Variants in AK7 observed in about 807,000 individuals in gnomAD.
AK7 encodes the protein ATP-AMP transphosphorylase 7.
A neutral mutation model predicts 96.6 loss-of-function variants in AK7; 78 were observed. The ratio of observed to expected loss-of-function variants is 0.81; its 90% CI spans 0.67 to 0.97. The LOEUF (loss-of-function observed/expected upper bound fraction) is 0.97, where lower values mean the gene tolerates loss of function less well. Ranked by LOEUF, AK7 falls within the 50% of genes least tolerant of loss-of-function variation. The pLI is 0.00. For missense variants in AK7, 855 were observed against 887.9 expected (o/e 0.96, Z 0.47); for synonymous variants, 302 against 317.2 (o/e 0.95, Z 0.51).
chr14:96,474,864 C>A lies in AK7; in HGVS notation c.1555+2109C>A, dbSNP rs565831966. On this transcript the variant is annotated intron_variant, in intron 14 of 17. Transcript: ENST00000267584. ...TGTCATGTGCCAGGCACTCATTGAA[C>A]CTTTCCACAATCCTGCAAGGCAGGA... Among the ~76,000 whole-genome samples the A allele has an allele frequency of 6.6e-5, 10 of 152,318 alleles. No homozygotes were observed. In the South Asian group the frequency reaches 1.9e-3, roughly 28 times the overall value.
At chr14:96,438,042 A>G in intron 6 of AK7, 127 bp downstream of exon 6, 2 of 666,648 alleles carry the variant, frequency 3.0e-6, no homozygotes, top group Non-Finnish European at 5.0e-6. Context: ...GAAGGCAAGT[A>G]TGGATGTCAC....
At chr14:96,396,637 C>T (rs972307393) in intron 1 of AK7, among the ~76,000 whole-genome samples, 1 of 151,976 alleles carries the variant, frequency 6.6e-6, no homozygotes, top group African/African-American at 2.4e-5. Flanking sequence ...TCTTTATTCC[C>T]AAGGTATGGT....
intron 8 of AK7, among the ~76,000 whole-genome samples, chr14:96,447,459 C>T (rs1223722667): frequency 1.3e-5 from 2 of 151,882 alleles, no homozygotes; most frequent in Non-Finnish European, 2.9e-5. Context: ...GGAACACAGG[C>T]GTGCACCACC....
At chr14:96,465,695 C>G (rs930518646) in intron 12 of AK7, among the ~76,000 whole-genome samples, 1 of 151,494 alleles carries the variant, frequency 6.6e-6, no homozygotes, top group African/African-American at 2.4e-5. Flanking sequence ...ATGGTTTATC[C>G]AAGTATTCAA....
chr14:96,465,145 G>C (rs1418237236), intron 12 of AK7, among the ~76,000 whole-genome samples: 1 of 152,186 alleles, frequency 6.6e-6, no homozygotes, highest in Non-Finnish European at 1.5e-5. Flanking sequence ...TTACAAATGA[G>C]AGGCAGAAAC....
At chr14:96,427,862 T>C (rs1446768862) in intron 5 of AK7, among the ~76,000 whole-genome samples, 1 of 152,196 alleles carries the variant, frequency 6.6e-6, no homozygotes, top group African/African-American at 2.4e-5. Context: ...AACATATGGT[T>C]TTATTTATAC....
rs1280934002 is a variant in AK7 at position 96,398,220 on chromosome 14, A to T, written c.251A>T (p.Lys84Met). 1 of 1,613,802 alleles carries T rather than the reference A, an allele frequency of 6.2e-7. No individual in the cohort carries two copies. The highest frequency in any genetic ancestry group is 1.7e-5 in the Admixed American group (1 of 60,020). The stretch of plus-strand genomic sequence containing the variant: ...TTCCAGATTGTGGGCACGCTGTCCA[A>T]GCCTGACAGCCCGCGGCCTGACTTT... ...GTFQIVGTLS[K>M]PDSPRPDFAV... Residue 84 changes from lysine (K) to methionine (M), a missense_variant, in exon 2 of 18, where the codon AAG becomes ATG. Lys to Met is a moderately conservative substitution (Grantham distance 95, BLOSUM62 -1). Coordinates refer to ENST00000267584, the MANE Select transcript of AK7 (RefSeq NM_152327.5).
chr14:96,410,265 AT>A (rs1181449904), intron 4 of AK7, among the ~76,000 whole-genome samples: 1 of 152,162 alleles, frequency 6.6e-6, no homozygotes, highest in Non-Finnish European at 1.5e-5. Flanking sequence ...GGTCATGGTC[AT>A]TTTATTCCTG....
intron 14 of AK7, among the ~76,000 whole-genome samples, chr14:96,475,174 C>G (rs1249902455): frequency 6.6e-6 from 1 of 152,180 alleles, no homozygotes; most frequent in Admixed American, 6.5e-5. Flanking sequence ...TGTTAGCAAA[C>G]TTTTCAGAAA....
At chr14:96,485,166 T>A (rs917589951) in intron 16 of AK7, among the ~76,000 whole-genome samples, 1 of 152,258 alleles carries the variant, frequency 6.6e-6, no homozygotes. Flanking sequence ...TACTCGCACA[T>A]GTCAGGCTGA....
At chr14:96,473,552 A>G (rs751461556) in intron 14 of AK7, among the ~76,000 whole-genome samples, 2 of 151,956 alleles carry the variant, frequency 1.3e-5, no homozygotes, top group East Asian at 1.9e-4. Context: ...TTTTGTGCCA[A>G]AAGAATCTTT....
chr14:96,407,454 G>A (rs984038887), intron 3 of AK7, among the ~76,000 whole-genome samples: 4 of 151,852 alleles, frequency 2.6e-5, no homozygotes, highest in African/African-American at 9.7e-5. Flanking sequence ...ATTTCATTTT[G>A]TTGCTTTTGT....
chr14:96,468,436 C>A (rs1481150407), intron 12 of AK7, among the ~76,000 whole-genome samples: 1 of 151,664 alleles, frequency 6.6e-6, no homozygotes, highest in Admixed American at 6.6e-5. Context: ...GCTGGGACTA[C>A]AGGCACATGC....
At chr14:96,393,238 T>C (rs1011688831) in intron 1 of AK7, among the ~76,000 whole-genome samples, 2 of 152,214 alleles carry the variant, frequency 1.3e-5, no homozygotes, top group African/African-American at 2.4e-5. Flanking sequence ...AATTCTGTCC[T>C]CTAGAGCTAC....
chr14:96,439,234 G>C lies in AK7; in HGVS notation c.690+1319G>C, dbSNP rs1367690683. Among the ~76,000 whole-genome samples, 3 of 152,068 alleles carry C rather than the reference G, an allele frequency of 2.0e-5. 1 individual carries two copies. In the East Asian group the frequency reaches 5.8e-4, roughly 29 times the overall value. Reference sequence around the variant, plus strand: ...TGACATCAACTACTGAATGAATATGGAGAAGAGATAGGGGCCTGAGGACTG... The same window carrying C: ...TGACATCAACTACTGAATGAATATGCAGAAGAGATAGGGGCCTGAGGACTG... On this transcript the variant is annotated intron_variant, in intron 6 of 17. Coordinates refer to ENST00000267584, the MANE Select transcript of AK7 (RefSeq NM_152327.5).
At chr14:96,402,498 C>T (rs1450919060) in intron 2 of AK7, among the ~76,000 whole-genome samples, 1 of 152,196 alleles carries the variant, frequency 6.6e-6, no homozygotes, top group East Asian at 1.9e-4. Flanking sequence ...TCTTGGGCCA[C>T]ATCTAGAATA....
intron 7 of AK7, among the ~76,000 whole-genome samples, chr14:96,445,368 G>A (rs8009221): frequency 0.61 from 93,358 of 152,056 alleles, 28,849 homozygotes; most frequent in East Asian, 0.69. Flanking sequence ...TGAGAAATGG[G>A]TAGAAAATAG....
At chr14:96,472,422 T>G (rs189118327) in intron 13 of AK7, among the ~76,000 whole-genome samples, 1 of 152,348 alleles carries the variant, frequency 6.6e-6, no homozygotes, top group African/African-American at 2.4e-5. Flanking sequence ...CCCAAATTGT[T>G]GGGATTACAG....
intron 12 of AK7, among the ~76,000 whole-genome samples, chr14:96,462,067 G>T (rs1566800770): frequency 6.6e-6 from 1 of 152,144 alleles, no homozygotes; most frequent in Non-Finnish European, 1.5e-5. Context: ...GAGGCCCCCA[G>T]GCTCCAGAGG....
Sources: gnomAD v4.1 joint callset for allele counts (sites outside exome capture counted in the v4.1 genomes callset) on GRCh38, gnomAD v4.1.1 for gene constraint, MANE v1.5 for transcripts, NCBI Gene and HGNC (gene_info 2026-07-23, HGNC 2026-07-21) for gene names.